Variants in TIAM1 observed in about 807,000 individuals in gnomAD.
The protein encoded by TIAM1 is TIAM Rac1 associated GEF 1, also known as rho guanine nucleotide exchange factor TIAM1.
A neutral mutation model predicts 163.5 loss-of-function variants in TIAM1; 65 were observed. The observed-to-expected ratio is 0.40, with a 90% confidence interval of 0.33 to 0.49. The LOEUF (loss-of-function observed/expected upper bound fraction) is 0.49. TIAM1 is among the 20% of genes least tolerant of loss of function. The pLI, the probability that TIAM1 is intolerant of heterozygous loss-of-function variation, is 0.77. For missense variants in TIAM1, 1,789 were observed against 2,044.7 expected, an observed-to-expected ratio of 0.87 and a Z score of 2.41; for synonymous variants, 833 against 810.1, an observed-to-expected ratio of 1.03 and a Z score of -0.48.
Position 31,272,278 on chromosome 21 carries a change from C to T in TIAM1, c.-12+4454G>A, listed in dbSNP as rs548601260. The stretch of plus-strand genomic sequence containing the variant: ...AACAAAATGATTGTATGTGTACCAC[C>T]GTAAAGTTAAAAAAACACAAGTCAA... On this transcript the variant is annotated intron_variant, in intron 3 of 27. Transcript: ENST00000541036. Among the ~76,000 whole-genome samples, 10 of 152,030 alleles carry T rather than the reference C, an allele frequency of 6.6e-5. No homozygotes were observed. In the South Asian group the frequency reaches 1.2e-3, roughly 19 times the overall value.
intron 2 of TIAM1, among the ~76,000 whole-genome samples, chr21:31,389,400 G>C (rs2076932227): frequency 1.3e-5 from 2 of 152,056 alleles, no homozygotes; most frequent in Non-Finnish European, 2.9e-5. Context: ...GTAGAGACAG[G>C]GTTTCGCCAT....
intron 15 of TIAM1, among the ~76,000 whole-genome samples, chr21:31,167,417 G>C (rs1335468168): frequency 6.6e-6 from 1 of 152,144 alleles, no homozygotes; most frequent in Non-Finnish European, 1.5e-5. Flanking sequence ...TTGAGAGCCA[G>C]GTTTCCTGAA....
intron 3 of TIAM1, among the ~76,000 whole-genome samples, chr21:31,268,657 A>G (rs1007122452): frequency 8.5e-5 from 13 of 152,228 alleles, no homozygotes; most frequent in Admixed American, 7.2e-4. Flanking sequence ...ACTAGGAGCA[A>G]GTAGATTTCA....
chr21:31,238,593 T>A (rs1235640518), intron 6 of TIAM1, among the ~76,000 whole-genome samples: 1 of 152,146 alleles, frequency 6.6e-6, no homozygotes. Flanking sequence ...TTAAAAAAAA[T>A]TTTTAAGGGA....
chr21:31,239,480 C>T (rs1461430829), intron 6 of TIAM1, among the ~76,000 whole-genome samples: 1 of 151,938 alleles, frequency 6.6e-6, no homozygotes, highest in African/African-American at 2.4e-5. Context: ...GACATTATAG[C>T]ATGTAGATTT....
intron 1 of TIAM1, among the ~76,000 whole-genome samples, chr21:31,479,446 T>TGAATGGAA (rs2046040386): frequency 7.6e-6 from 1 of 130,742 alleles, no homozygotes; most frequent in Admixed American, 7.5e-5. Context: ...AATGGAAGGA[T>TGAATGGAA]GGATGGATAG....
At chr21:31,406,316 A>C (rs1297264566) in intron 2 of TIAM1, among the ~76,000 whole-genome samples, 2 of 152,184 alleles carry the variant, frequency 1.3e-5, no homozygotes, top group Non-Finnish European at 2.9e-5. Context: ...AAGAGAAGGA[A>C]TTTGATGCTA....
intron 15 of TIAM1, among the ~76,000 whole-genome samples, chr21:31,169,317 C>G (rs772428871): frequency 1.5e-5 from 2 of 131,194 alleles, no homozygotes; most frequent in African/African-American, 5.2e-5. Flanking sequence ...AATAATAATA[C>G]TAAAACAGAA....
At chr21:31,473,844 A>G (rs1422794535) in intron 1 of TIAM1, among the ~76,000 whole-genome samples, 1 of 152,194 alleles carries the variant, frequency 6.6e-6, no homozygotes, top group African/African-American at 2.4e-5. Flanking sequence ...GCCGCCCTGC[A>G]CTGGAGACTT....
At position 31,141,295 on chromosome 21, in the gene TIAM1, G is replaced by T. The variant is rs764131768; in HGVS notation, c.3655+30C>A. 3.1e-6 allele frequency: 5 copies of T among 1,613,750 alleles called. No homozygotes were observed. In the East Asian group the frequency reaches 1.1e-4, roughly 36 times the overall value. On this transcript the variant is annotated intron_variant, in intron 21 of 27. Transcript: ENST00000541036. This position sits in a 1 kb window ranked among gnomAD's most constrained non-coding sequence, Gnocchi z 4.7. ...TTTAGAGACCCTCATGGAGACTCAG[G>T]CCTGCCGGGGGTCCCAGGCCGAGGC...
chr21:31,474,381 A>G (rs943818155), intron 1 of TIAM1, among the ~76,000 whole-genome samples: 3 of 152,166 alleles, frequency 2.0e-5, no homozygotes, highest in Admixed American at 2.0e-4. Flanking sequence ...CTCAACATTT[A>G]GCCATGTGAC....
intron 23 of TIAM1, among the ~76,000 whole-genome samples, chr21:31,132,624 G>A (rs192342012): frequency 6.6e-6 from 1 of 152,080 alleles, no homozygotes; most frequent in Non-Finnish European, 1.5e-5. Flanking sequence ...TGATTCCCTC[G>A]ATTTCCCTCA....
At chr21:31,282,426 A>G (rs1362663747) in intron 2 of TIAM1, among the ~76,000 whole-genome samples, 1 of 152,204 alleles carries the variant, frequency 6.6e-6, no homozygotes, top group African/African-American at 2.4e-5. Context: ...CTTCCAGGAA[A>G]TTCTTCTTGA....
At chr21:31,252,248 G>T in intron 4 of TIAM1, 59 bp from the exon 5 acceptor site, 9 of 1,543,524 alleles carry the variant, frequency 5.8e-6, no homozygotes, top group Non-Finnish European at 7.9e-6. Context: ...GGAACCCAGG[G>T]TCACGTGGAG....
chr21:31,127,453 C>T (rs1477204096), intron 25 of TIAM1, among the ~76,000 whole-genome samples: 1 of 145,576 alleles, frequency 6.9e-6, no homozygotes, highest in African/African-American at 2.5e-5. Flanking sequence ...GAGTCTCATT[C>T]TGTCATCCAG....
chr21:31,394,784 G>A (rs1023310154), intron 2 of TIAM1, among the ~76,000 whole-genome samples: 2 of 143,032 alleles, frequency 1.4e-5, no homozygotes, highest in Admixed American at 1.4e-4. Context: ...ACTGCCAGAG[G>A]AGCCAGGGCA....
chr21:31,242,618 G>C (rs1004509481), intron 6 of TIAM1, among the ~76,000 whole-genome samples: 8 of 152,154 alleles, frequency 5.3e-5, no homozygotes, highest in Non-Finnish European at 8.8e-5. Context: ...TATTGCTTCT[G>C]TACATTTAAG....
At position 31,154,260 on chromosome 21, in the gene TIAM1, C is replaced by G; in HGVS notation, c.3158G>C (p.Arg1053Pro). The G allele has an allele frequency of 6.2e-7, 1 of 1,613,868 alleles. No individual in the cohort carries two copies. Among genetic ancestry groups the G allele is most frequent in the Non-Finnish European group, 8.5e-7 (1 of 1,179,924 alleles). ...AAAGAAACATACCTTCACGTAGGTG[C>G]GCTCCGTCTCCAGGAGCTCGCAGAT... The part of the protein sequence containing the change: ...KVICELLETE[R>P]TYVKDLNCLM... Residue 1053 changes from arginine (R) to proline (P), a missense_variant, in exon 17 of 28, where the codon CGC (arginine) becomes CCC (proline). Around this residue, in one of 5 missense-constraint regions of TIAM1, gnomAD observed 303 missense variants for 321.3 expected, o/e 0.94. Coordinates refer to ENST00000541036, the MANE Select transcript of TIAM1 (RefSeq NM_001353694.2).
At chr21:31,249,952 C>A (rs150401300) in intron 5 of TIAM1, among the ~76,000 whole-genome samples, 191 of 152,068 alleles carry the variant, frequency 1.3e-3, no homozygotes, top group African/African-American at 4.4e-3. Context: ...TGGAGATGAG[C>A]CTGGGCAACA....
Sources: gnomAD v4.1 joint callset for allele counts (sites outside exome capture counted in the v4.1 genomes callset) on GRCh38, gnomAD v4.1.1 for gene constraint, gnomAD v4.1.1 regional missense constraint, Gnocchi (gnomAD v3.1) non-coding constraint, MANE v1.5 for transcripts, NCBI Gene and HGNC (gene_info 2026-07-23, HGNC 2026-07-21) for gene names.